The following DOP1A variants were observed in gnomAD, a reference collection of about 807,000 sequenced individuals.
The protein encoded by DOP1A is protein DOP1A.
Under a neutral mutation model 267.6 loss-of-function variants are expected in DOP1A, and 90 were observed. The ratio of observed to expected loss-of-function variants is 0.34; its 90% CI spans 0.28 to 0.40. The LOEUF (loss-of-function observed/expected upper bound fraction) is 0.40. Ranked by LOEUF, DOP1A falls within the 10% of genes least tolerant of loss-of-function variation. The pLI is 1.00. For missense variants in DOP1A, 2,437 were observed against 2,900.4 expected, an observed-to-expected ratio of 0.84 and a Z score of 3.67; for synonymous variants, 932 against 999.1, an observed-to-expected ratio of 0.93 and a Z score of 1.27.
intron 3 of DOP1A, among the ~76,000 whole-genome samples, chr6:83,098,466 G>A (rs1171322172): frequency 1.3e-5 from 2 of 152,138 alleles, no homozygotes; most frequent in East Asian, 3.9e-4. Context: ...TCATAAGACT[G>A]TCCTCCTGTT....
rs752164406 is a variant in DOP1A at position 83,145,663 on chromosome 6, G to GA, written c.5676+11dup. On this transcript the variant is annotated splice_donor_region_variant and intron_variant, in intron 25 of 38. Coordinates refer to ENST00000349129, the MANE Select transcript of DOP1A (RefSeq NM_015018.4). ...CCAGCCATAGCCAAGGACAAGGTAA[G>GA]AAAAAACTCTTCTTCACATGTGTTT... 22 of 1,605,524 alleles carry GA rather than the reference G, an allele frequency of 1.4e-5. No homozygotes were observed. Among genetic ancestry groups the GA allele is most frequent in the Non-Finnish European group, 1.8e-5 (21 of 1,177,470 alleles).
In DOP1A at chr6:83,138,781, C is replaced by CA; in HGVS notation, c.4740dup (p.Gln1581ThrfsTer4). 1 of 1,613,988 alleles carries CA rather than the reference C, an allele frequency of 6.2e-7. No homozygotes were observed. Among genetic ancestry groups the CA allele is most frequent in the Non-Finnish European group, 8.5e-7 (1 of 1,179,928 alleles). Reference sequence around the variant, plus strand: ...TTTGACAATGGCAGCACGTTGCAGTCACAACTTCTTAAGGTGCTTCAGAGG... The same window carrying CA: ...TTTGACAATGGCAGCACGTTGCAGTCAACAACTTCTTAAGGTGCTTCAGAGG... On this transcript the variant is annotated frameshift_variant, in exon 21 of 39. Coordinates refer to ENST00000349129, the MANE Select transcript of DOP1A (RefSeq NM_015018.4). LOFTEE classifies it high-confidence loss of function.
At chr6:83,122,478 ATTC>A in intron 11 of DOP1A, among the ~76,000 whole-genome samples, 1 of 152,088 alleles carries the variant, frequency 6.6e-6, no homozygotes, top group East Asian at 1.9e-4. Flanking sequence ...AGCAGACAAA[ATTC>A]TTCACAATCA....
intron 6 of DOP1A, 56 bp downstream of exon 6, chr6:83,110,370 T>C: frequency 6.5e-7 from 1 of 1,529,852 alleles, no homozygotes; most frequent in Non-Finnish European, 8.9e-7. Context: ...AGTCAGGCAC[T>C]ATTCCAGACA....
intron 37 of DOP1A, among the ~76,000 whole-genome samples, chr6:83,160,974 C>CATAT (rs144188690): frequency 2.0e-5 from 3 of 149,620 alleles, no homozygotes; most frequent in East Asian, 2.0e-4. Context: ...ACTTGAAAAC[C>CATAT]ATATATATAT....
At chr6:83,070,616 G>T (rs62419227) in intron 1 of DOP1A, among the ~76,000 whole-genome samples, 4,686 of 152,224 alleles carry the variant, frequency 0.031, 105 homozygotes, top group Non-Finnish European at 0.049. Context: ...TTCTGTTTCT[G>T]AGTGTCTAAA....
Position 83,155,872 on chromosome 6 carries a change from C to A in DOP1A, c.6452-79C>A, listed in dbSNP as rs1782691088. The A allele has an allele frequency of 7.3e-6, 11 of 1,503,376 alleles. No homozygotes were observed. In the Admixed American group the frequency reaches 2.3e-4, roughly 31 times the overall value. 93.1% of individuals were successfully genotyped at this position (1,503,376 alleles called of 1,614,324 possible). On this transcript the variant is annotated intron_variant, in intron 33 of 38. Coordinates refer to ENST00000349129, the MANE Select transcript of DOP1A (RefSeq NM_015018.4). Reference sequence around the variant, plus strand: ...CCTCTCAGTTTTGGATGTCATAGAGCATCTAGCTATTTTAAAAAACAACAG... The same window carrying A: ...CCTCTCAGTTTTGGATGTCATAGAGAATCTAGCTATTTTAAAAAACAACAG...
Position 83,113,359 on chromosome 6 carries a change from G to A in DOP1A, c.718G>A (p.Val240Ile). The A allele has an allele frequency of 2.5e-6, 4 of 1,613,766 alleles. No individual in the cohort carries two copies. Among genetic ancestry groups the A allele is most frequent in the South Asian group, 1.1e-5 (1 of 91,052 alleles). ...AAGTACTTCAGTGCAGGACTCAAGT[G>A]TACTTGTACAGAGAAGCACACTGGA... ...AVSTSVQDSS[V>I]LVQRSTLDLI... Residue 240 changes from valine (V) to isoleucine (I), a missense_variant, in exon 7 of 39, where the codon GTA (valine) becomes ATA (isoleucine). By Grantham distance (29) the Val-to-Ile change is conservative. Around this residue, in one of 9 missense-constraint regions of DOP1A, gnomAD observed 251 missense variants for 359.1 expected, o/e 0.70. Coordinates refer to ENST00000349129, the MANE Select transcript of DOP1A (RefSeq NM_015018.4).
At chr6:83,167,204 G>A in intron 38 of DOP1A, 1 of 902,058 alleles carries the variant, frequency 1.1e-6, no homozygotes, top group Non-Finnish European at 1.3e-6. Context: ...TCCTGCCCAA[G>A]GGTGCCGTAA....
At chr6:83,094,216 T>A (rs966985916) in intron 1 of DOP1A, among the ~76,000 whole-genome samples, 1 of 152,196 alleles carries the variant, frequency 6.6e-6, no homozygotes, top group African/African-American at 2.4e-5. Context: ...GTTTTCAAGG[T>A]TCATGCGTGT....
chr6:83,088,891 GGTAA>G (rs1483852951), intron 1 of DOP1A, among the ~76,000 whole-genome samples: 3 of 152,136 alleles, frequency 2.0e-5, no homozygotes, highest in African/African-American at 7.2e-5. Context: ...TCTGTTAGAT[GGTAA>G]CAATTACTGA....
chr6:83,159,682 G>C lies in DOP1A; in HGVS notation c.6798-114G>C, dbSNP rs1174261593. On this transcript the variant is annotated intron_variant, in intron 36 of 38. Transcript: ENST00000349129. ...TCATGACCTTGCTTAGCAATTACTGGCACATTTATCTCAGGATGATTATGA... is the reference window on the plus strand; with the variant it reads ...TCATGACCTTGCTTAGCAATTACTGCCACATTTATCTCAGGATGATTATGA... 2.6e-6 allele frequency: 3 copies of C among 1,154,912 alleles called. No homozygotes were observed. In the Admixed American group the frequency reaches 6.3e-5, roughly 24 times the overall value. 71.5% of individuals were successfully genotyped at this position (1,154,912 alleles called of 1,614,324 possible). A position where few individuals can be genotyped will look rare whatever the true frequency, so the allele number is the denominator to read the frequency against.
intron 7 of DOP1A, among the ~76,000 whole-genome samples, chr6:83,113,949 C>T (rs1403843613): frequency 2.0e-5 from 3 of 152,124 alleles, no homozygotes; most frequent in Non-Finnish European, 2.9e-5. Context: ...AAGAAAGGAT[C>T]TAAATTCCTT....
chr6:83,158,560 T>A lies in DOP1A; in HGVS notation c.6742-7T>A. On this transcript the variant is annotated splice_polypyrimidine_tract_variant and splice_region_variant and intron_variant, in intron 35 of 38. Coordinates refer to ENST00000349129, the MANE Select transcript of DOP1A (RefSeq NM_015018.4). ...TAAATAAACATTTAACATTTCACCA[T>A]TTTCAGGTACAAGTATTTTTACTGA... 6.3e-7 allele frequency: 1 copy of A among 1,592,646 alleles called. No homozygotes were observed. The highest frequency in any genetic ancestry group is 8.6e-7 in the Non-Finnish European group (1 of 1,163,372).
chr6:83,117,393 G>A (rs1203832695), intron 7 of DOP1A, among the ~76,000 whole-genome samples: 2 of 151,954 alleles, frequency 1.3e-5, no homozygotes, highest in Non-Finnish European at 2.9e-5. Flanking sequence ...CTTGTGATCC[G>A]CCTGCCTTGG....
chr6:83,071,647 A>G (rs543012596), intron 1 of DOP1A, among the ~76,000 whole-genome samples: 1 of 152,326 alleles, frequency 6.6e-6, no homozygotes, highest in African/African-American at 2.4e-5. Flanking sequence ...TATCTGTGCA[A>G]TAATTGAGAA....
At chr6:83,094,872 CT>C (rs1771156026) in intron 1 of DOP1A, among the ~76,000 whole-genome samples, 1 of 152,122 alleles carries the variant, frequency 6.6e-6, no homozygotes, top group Non-Finnish European at 1.5e-5. Context: ...AGTTTTACTT[CT>C]GATGAAGTCC....
intron 11 of DOP1A, 62 bp downstream of exon 11, chr6:83,122,112 T>C: frequency 2.6e-6 from 4 of 1,566,570 alleles, no homozygotes; most frequent in Non-Finnish European, 3.5e-6. Context: ...TAATATAAAC[T>C]TGAAGTGTAA....
chr6:83,170,468 C>T (rs1447715554), downstream of DOP1A: 8 of 1,613,710 alleles, frequency 5.0e-6, no homozygotes, highest in Non-Finnish European at 6.8e-6. Context: ...AATAACTCTC[C>T]TGTCTGCAAC....
Sources: gnomAD v4.1 joint callset for allele counts (sites outside exome capture counted in the v4.1 genomes callset) on GRCh38, gnomAD v4.1.1 for gene constraint, gnomAD v4.1.1 regional missense constraint, MANE v1.5 for transcripts, NCBI Gene and HGNC (gene_info 2026-07-23, HGNC 2026-07-21) for gene names.